The following RAB38 variants were observed in gnomAD, a reference collection of about 807,000 sequenced individuals.
RAB38 encodes the protein RAB38, member RAS oncogene family.
RAB38 carries 15 observed loss-of-function variants against 18.4 expected under a neutral mutation model. That is an observed-to-expected ratio of 0.82 (90% CI 0.55 to 1.26). The LOEUF is 1.26. Ranked by LOEUF, RAB38 falls within the 50% of genes most tolerant of loss-of-function variation. The pLI is 0.00. For synonymous variants in RAB38, 101 were observed against 104.4 expected, an observed-to-expected ratio of 0.97 and a Z score of 0.20; for missense variants, 294 against 267.4, an observed-to-expected ratio of 1.10 and a Z score of -0.69.
At chr11:87,887,932 A>AT in the RAB38 span, among the ~76,000 whole-genome samples, 82,695 of 151,716 alleles carry the variant, frequency 0.55, 24,344 homozygotes, top group Non-Finnish European at 0.67. Flanking sequence ...TAGTTGGTGC[A>AT]TTTTTTATAC....
At chr11:88,020,708 T>C in the RAB38 span, among the ~76,000 whole-genome samples, 1 of 152,120 alleles carries the variant, frequency 6.6e-6, no homozygotes, top group South Asian at 2.1e-4. Flanking sequence ...AGGTCACAAA[T>C]GTGTTAAAAC....
At chr11:87,864,283 A>G in the RAB38 span, among the ~76,000 whole-genome samples, 82 of 151,144 alleles carry the variant, frequency 5.4e-4, no homozygotes, top group Middle Eastern at 0.021. Flanking sequence ...TATAATTAAT[A>G]AACTATACTA....
At chr11:88,034,757 T>C in the RAB38 span, among the ~76,000 whole-genome samples, 2 of 150,744 alleles carry the variant, frequency 1.3e-5, no homozygotes, top group South Asian at 4.1e-4. Flanking sequence ...TGTGATTGGA[T>C]ACCTACGATA....
the RAB38 span, among the ~76,000 whole-genome samples, chr11:88,106,679 G>C: frequency 2.0e-5 from 3 of 152,132 alleles, no homozygotes; most frequent in Admixed American, 2.0e-4. Flanking sequence ...GAAAATTTCA[G>C]ACTCATCAAT....
chr11:88,137,896 G>A (rs1942856312), intron 2 of RAB38, among the ~76,000 whole-genome samples: 2 of 152,220 alleles, frequency 1.3e-5, no homozygotes, highest in Admixed American at 6.5e-5. Context: ...ATGAAGCAAT[G>A]CCTTAAAGTT....
chr11:88,153,639 T>C (rs780849649), intron 1 of RAB38, among the ~76,000 whole-genome samples: 4 of 152,220 alleles, frequency 2.6e-5, no homozygotes, highest in Non-Finnish European at 5.9e-5. Context: ...TTCAGGTAGT[T>C]GCCATTCTGG....
chr11:87,857,254 A>G, the RAB38 span, among the ~76,000 whole-genome samples: 2 of 152,202 alleles, frequency 1.3e-5, no homozygotes, highest in African/African-American at 4.8e-5. Context: ...TTCTTAATCC[A>G]GTCTATCACT....
At chr11:88,151,150 G>C (rs1206470148) in intron 1 of RAB38, among the ~76,000 whole-genome samples, 1 of 152,148 alleles carries the variant, frequency 6.6e-6, no homozygotes, top group East Asian at 1.9e-4. Context: ...AGCACTCTAA[G>C]TTTATTCTTC....
the RAB38 span, among the ~76,000 whole-genome samples, chr11:87,817,866 TGAA>T: frequency 6.6e-6 from 1 of 152,108 alleles, no homozygotes. Context: ...GGCAAAAAGA[TGAA>T]CTATTAATCA....
the RAB38 span, among the ~76,000 whole-genome samples, chr11:87,953,608 T>C: frequency 2.6e-5 from 4 of 152,194 alleles, no homozygotes. Context: ...TTATTGTGTC[T>C]AATTTATAAA....
the RAB38 span, among the ~76,000 whole-genome samples, chr11:88,022,988 T>C: frequency 6.6e-6 from 1 of 152,068 alleles, no homozygotes; most frequent in South Asian, 2.1e-4. Flanking sequence ...CAACACACAC[T>C]GGGCCTTTTG....
the RAB38 span, among the ~76,000 whole-genome samples, chr11:87,841,299 C>G: frequency 3.2e-4 from 49 of 152,160 alleles, no homozygotes; most frequent in Admixed American, 2.5e-3. Context: ...AGTGAGGGAG[C>G]TTTCACGAGA....
At chr11:88,088,641 C>T in the RAB38 span, among the ~76,000 whole-genome samples, 1 of 151,754 alleles carries the variant, frequency 6.6e-6, no homozygotes, top group African/African-American at 2.4e-5. Context: ...TGTCTGACCC[C>T]TGGTTTCCTG....
intron 2 of RAB38, among the ~76,000 whole-genome samples, chr11:88,117,579 G>A (rs888646782): frequency 1.3e-5 from 2 of 152,156 alleles, no homozygotes; most frequent in African/African-American, 4.8e-5. Flanking sequence ...AATTTTAAGA[G>A]AAAGCCAGGA....
chr11:88,014,135 G>A, the RAB38 span, among the ~76,000 whole-genome samples: 1 of 151,976 alleles, frequency 6.6e-6, no homozygotes, highest in Non-Finnish European at 1.5e-5. Flanking sequence ...AGAAATAAAC[G>A]GATTTATAAT....
chr11:88,008,284 A>G, the RAB38 span, among the ~76,000 whole-genome samples: 1 of 152,196 alleles, frequency 6.6e-6, no homozygotes, highest in African/African-American at 2.4e-5. Context: ...AAAATTAAAT[A>G]TATTATAGCT....
chr11:88,084,412 AAAG>A, the RAB38 span, among the ~76,000 whole-genome samples: 1 of 151,812 alleles, frequency 6.6e-6, no homozygotes, highest in African/African-American at 2.4e-5. Context: ...CAAAATAAAA[AAAG>A]GAGGGAGATA....
chr11:87,882,323 G>A, the RAB38 span, among the ~76,000 whole-genome samples: 1 of 151,820 alleles, frequency 6.6e-6, no homozygotes, highest in African/African-American at 2.4e-5. Flanking sequence ...AGGCTAGGTA[G>A]TGGTTCTAAA....
chr11:87,966,734 A>G, the RAB38 span, among the ~76,000 whole-genome samples: 8 of 152,190 alleles, frequency 5.3e-5, no homozygotes, highest in African/African-American at 1.9e-4. Context: ...TATAGACTCC[A>G]TCAAGTCCCT....
Sources: allele counts gnomAD v4.1 joint callset (sites outside exome capture counted in the v4.1 genomes callset), GRCh38; gene constraint gnomAD v4.1.1; transcripts MANE v1.5; gene names NCBI Gene and HGNC (gene_info 2026-07-23, HGNC 2026-07-21).